Variants in RTN4RL2 observed in about 807,000 individuals in gnomAD.
RTN4RL2 encodes the protein reticulon-4 receptor-like 2.
In RTN4RL2, 9 loss-of-function variants were observed where a neutral mutation model predicts 27.8. That is an observed-to-expected ratio of 0.32 (90% CI 0.20 to 0.57). RTN4RL2 has a LOEUF of 0.57. Ranked by LOEUF, RTN4RL2 falls within the 20% of genes least tolerant of loss-of-function variation. The pLI, the probability that RTN4RL2 is intolerant of heterozygous loss-of-function variation, is 0.90. For synonymous variants in RTN4RL2, 285 were observed against 297.9 expected (o/e 0.96, Z 0.45); for missense variants, 436 against 596.8 (o/e 0.73, Z 2.81).
At position 57,476,470 on chromosome 11, in the gene RTN4RL2, C is replaced by T. The variant is rs573081832; in HGVS notation, c.822C>T (p.Ala274=). Residue 274 remains alanine (A), a synonymous_variant, in exon 3 of 3, where the codon GCC becomes GCT. Coordinates refer to ENST00000335099, the MANE Select transcript of RTN4RL2 (RefSeq NM_178570.3). This position sits in a 1 kb window ranked among gnomAD's most constrained non-coding sequence, Gnocchi z 8.2. ...ACDCRARPLW[A]WFQRARVSSS... is the part of the protein sequence containing the mutation. ...ACTGCCGCGCGCGGCCGCTCTGGGC[C>T]TGGTTCCAGCGCGCGCGCGTGTCCA... 2.6e-6 allele frequency: 4 copies of T among 1,546,706 alleles called. No homozygotes were observed. In the South Asian group the frequency reaches 4.7e-5, roughly 18 times the overall value.
intron 2 of RTN4RL2, among the ~76,000 whole-genome samples, chr11:57,470,093 A>C (rs1399730219): frequency 6.6e-6 from 1 of 152,184 alleles, no homozygotes; most frequent in Non-Finnish European, 1.5e-5. Context: ...TCTGGAGTAC[A>C]ATTGAGCAGG....
At chr11:57,464,935 G>T (rs1004798424) in intron 1 of RTN4RL2, among the ~76,000 whole-genome samples, 4 of 152,206 alleles carry the variant, frequency 2.6e-5, no homozygotes, top group Non-Finnish European at 1.5e-5. Flanking sequence ...TGGTGTGAAC[G>T]AATGGAACAG....
chr11:57,473,897 TG>T (rs374930975), intron 2 of RTN4RL2, among the ~76,000 whole-genome samples: 42 of 152,174 alleles, frequency 2.8e-4, no homozygotes, highest in African/African-American at 9.9e-4. Context: ...CTAGGATCTC[TG>T]GAACTTTGGT....
At chr11:57,461,552 A>G (rs1943485902) in intron 1 of RTN4RL2, among the ~76,000 whole-genome samples, 1 of 151,572 alleles carries the variant, frequency 6.6e-6, no homozygotes, top group Admixed American at 6.6e-5. Flanking sequence ...GGGGAGAAGG[A>G]ATAAAGGTTA....
Position 57,477,068 on chromosome 11 carries a change from T to G in RTN4RL2, c.*157T>G, listed in dbSNP as rs530316523. 82 of 697,174 alleles carry G rather than the reference T, an allele frequency of 1.2e-4. No individual in the cohort carries two copies. In the East Asian group the frequency reaches 2.4e-3, roughly 21 times the overall value. The allele number at this position is 697,174 out of a possible 1,614,324, so 43.2% of individuals were successfully genotyped here. On this transcript the variant is annotated 3_prime_UTR_variant, in exon 3 of 3. Transcript: ENST00000335099. ...CCCCGGGGAGCAGGCCGCCTCTCCT[T>G]GCCTGCCCCCTGGGCTGTCCTGACT...
intron 2 of RTN4RL2, 21 bp downstream of exon 2, chr11:57,468,111 C>A: frequency 6.4e-7 from 1 of 1,562,862 alleles, no homozygotes; most frequent in South Asian, 1.2e-5. Context: ...CCTGCCCCCA[C>A]CCTCAGCCCC....
At chr11:57,465,554 G>A (rs984815101) in intron 1 of RTN4RL2, among the ~76,000 whole-genome samples, 16 of 152,326 alleles carry the variant, frequency 1.1e-4, no homozygotes, top group African/African-American at 3.8e-4. Context: ...GGGAATGACT[G>A]CCTGGCTTTG....
At chr11:57,474,373 G>A (rs1943583513) in intron 2 of RTN4RL2, among the ~76,000 whole-genome samples, 1 of 152,190 alleles carries the variant, frequency 6.6e-6, no homozygotes, top group Non-Finnish European at 1.5e-5. Context: ...GGTGGAGGCT[G>A]TGGGTGTAGG....
chr11:57,475,547 T>TA (rs1192017812), intron 2 of RTN4RL2, among the ~76,000 whole-genome samples: 84 of 137,970 alleles, frequency 6.1e-4, no homozygotes, highest in Admixed American at 1.2e-3. Context: ...AAACAAAAAT[T>TA]AAAAAAAAAA....
intron 1 of RTN4RL2, among the ~76,000 whole-genome samples, chr11:57,461,603 C>T (rs1217280741): frequency 6.6e-6 from 1 of 150,542 alleles, no homozygotes; most frequent in African/African-American, 2.4e-5. Flanking sequence ...CAGGTGAAGA[C>T]CAAGGAAGAG....
chr11:57,465,806 T>C (rs1372737231), intron 1 of RTN4RL2, among the ~76,000 whole-genome samples: 4 of 150,034 alleles, frequency 2.7e-5, no homozygotes, highest in Admixed American at 2.7e-4. Context: ...ATCAGTATCA[T>C]AATAAGGATG....
chr11:57,476,558 G>T lies in RTN4RL2; in HGVS notation c.910G>T (p.Glu304Ter), dbSNP rs1280067630. 1 of 1,400,184 alleles carries T rather than the reference G, an allele frequency of 7.1e-7. No homozygotes were observed. The highest frequency in any genetic ancestry group is 9.2e-7 in the Non-Finnish European group (1 of 1,085,812). 86.7% of individuals were successfully genotyped at this position (1,400,184 alleles called of 1,614,324 possible). A position where few individuals can be genotyped will look rare whatever the true frequency, so the allele number is the denominator to read the frequency against. The change falls in exon 3 of 3, where the codon GAG becomes TAG. Residue 304 changes from glutamate to a stop codon, truncating the protein, a stop_gained. Transcript: ENST00000335099. LOFTEE classifies it high-confidence loss of function. The surrounding 1 kb of genome is among the most constrained non-coding windows in gnomAD (Gnocchi z 8.2). ...RQGRDLRALR[E>*]ADFQACPPAA... Reference sequence around the variant, plus strand: ...GGGCCGAGACCTGCGCGCGCTCCGCGAGGCCGACTTCCAGGCGTGTCCGCC... The same window carrying T: ...GGGCCGAGACCTGCGCGCGCTCCGCTAGGCCGACTTCCAGGCGTGTCCGCC...
rs1943603920 is a variant in RTN4RL2 at position 57,477,186 on chromosome 11, G to A, written c.*275G>A. The A allele has an allele frequency of 1.3e-5, 5 of 379,364 alleles. No individual in the cohort carries two copies. In the Admixed American group the frequency reaches 1.4e-4, roughly 11 times the overall value. The allele number at this position is 379,364 out of a possible 1,614,324, so 23.5% of individuals were successfully genotyped here. A position where few individuals can be genotyped will look rare whatever the true frequency, so the allele number is the denominator to read the frequency against. On this transcript the variant is annotated 3_prime_UTR_variant, in exon 3 of 3. Coordinates refer to ENST00000335099, the MANE Select transcript of RTN4RL2 (RefSeq NM_178570.3). The stretch of plus-strand genomic sequence containing the variant: ...TTCCCCATCCCAAGGCTGGGGTGGG[G>A]CCCCCCAGGCAGCCGCTGACCCGCA...
Position 57,476,528 on chromosome 11 carries a change from C to A in RTN4RL2, c.880C>A (p.Arg294Ser), listed in dbSNP as rs1943597218. 1 of 1,445,150 alleles carries A rather than the reference C, an allele frequency of 6.9e-7. No homozygotes were observed. Among genetic ancestry groups the A allele is most frequent in the South Asian group, 1.4e-5 (1 of 71,648 alleles). 89.5% of individuals were successfully genotyped at this position (1,445,150 alleles called of 1,614,324 possible). ...SDVTCATPPERQGRDLRALRE... is the reference protein window; with the variant it reads ...SDVTCATPPESQGRDLRALRE... ...CGTGACCTGCGCCACCCCCCCGGAGCGCCAGGGCCGAGACCTGCGCGCGCT... is the reference window on the plus strand; with the variant it reads ...CGTGACCTGCGCCACCCCCCCGGAGAGCCAGGGCCGAGACCTGCGCGCGCT... The change falls in exon 3 of 3, where the codon CGC becomes AGC. Residue 294 changes from arginine to serine, a missense_variant. Physicochemically the swap from Arg to Ser is moderately radical, Grantham distance 110. Transcript: ENST00000335099. The surrounding 1 kb of genome is among the most constrained non-coding windows in gnomAD (Gnocchi z 8.2).
At chr11:57,460,985 G>A (rs1161424458) in intron 1 of RTN4RL2, 89 bp downstream of exon 1, 32 of 779,914 alleles carry the variant, frequency 4.1e-5, no homozygotes, top group Non-Finnish European at 5.9e-5. Flanking sequence ...TGGGGCAGTT[G>A]GGGAGGTGGG....
chr11:57,468,616 C>T, intron 2 of RTN4RL2: 1 of 1,536,648 alleles, frequency 6.5e-7, no homozygotes, highest in South Asian at 1.2e-5. Flanking sequence ...CTCAAGTCTG[C>T]CCACATCACG....
At chr11:57,463,178 G>T (rs1199933775) in intron 1 of RTN4RL2, among the ~76,000 whole-genome samples, 1 of 152,200 alleles carries the variant, frequency 6.6e-6, no homozygotes, top group Non-Finnish European at 1.5e-5. Context: ...TGTTTCTGGG[G>T]CTCCCTTCCT....
chr11:57,469,588 G>A (rs180779737), intron 2 of RTN4RL2, among the ~76,000 whole-genome samples: 173 of 152,192 alleles, frequency 1.1e-3, no homozygotes, highest in African/African-American at 3.7e-3. Flanking sequence ...CTTGGCATAC[G>A]GTAAGTGCTA....
At position 57,476,197 on chromosome 11, in the gene RTN4RL2, C is replaced by T. The variant is rs1311427450; in HGVS notation, c.549C>T (p.His183=). ...TCGCGGACCTGGCCAACCTGAGCCA[C>T]CTCTTCCTCCACGGGAACCGCCTGC... ...DLFADLANLS[H]LFLHGNRLRL... Residue 183 remains histidine (H), a synonymous_variant, in exon 3 of 3, where the codon CAC becomes CAT. Transcript: ENST00000335099. The surrounding 1 kb of genome is among the most constrained non-coding windows in gnomAD (Gnocchi z 8.2). The T allele has an allele frequency of 1.9e-6, 3 of 1,610,510 alleles. No individual in the cohort carries two copies. The highest frequency in any genetic ancestry group is 2.5e-6 in the Non-Finnish European group (3 of 1,178,228).
Sources: allele counts gnomAD v4.1 joint callset (sites outside exome capture counted in the v4.1 genomes callset), GRCh38; gene constraint gnomAD v4.1.1; non-coding constraint Gnocchi (gnomAD v3.1); transcripts MANE v1.5; gene names NCBI Gene and HGNC (gene_info 2026-07-23, HGNC 2026-07-21).